MCC: variants seen among roughly 807,000 people sequenced by gnomAD.
The protein encoded by MCC is MCC regulator of Wnt signaling pathway.
A neutral mutation model predicts 116.2 loss-of-function variants in MCC; 90 were observed. The ratio of observed to expected loss-of-function variants is 0.77; its 90% confidence interval spans 0.65 to 0.92. The LOEUF (loss-of-function observed/expected upper bound fraction) is 0.92. MCC is among the 40% of genes least tolerant of loss of function. The pLI is 0.00. For synonymous variants in MCC, 578 were observed against 510.5 expected, an observed-to-expected ratio of 1.13 and a Z score of -1.78; for missense variants, 1,516 against 1,312.2, an observed-to-expected ratio of 1.16 and a Z score of -2.40.
intron 3 of MCC, among the ~76,000 whole-genome samples, chr5:113,170,387 G>A (rs147946396): frequency 5.1e-4 from 78 of 152,234 alleles, no homozygotes; most frequent in African/African-American, 1.7e-3. Flanking sequence ...TAGGCAAGAA[G>A]GGACATTTCC....
At chr5:113,195,110 G>C (rs1281550578) in intron 3 of MCC, among the ~76,000 whole-genome samples, 4 of 152,200 alleles carry the variant, frequency 2.6e-5, no homozygotes, top group Non-Finnish European at 5.9e-5. Context: ...AGCGTTTGTT[G>C]AAGGGAACAG....
chr5:113,152,865 A>C (rs1437628282), intron 3 of MCC, among the ~76,000 whole-genome samples: 1 of 152,186 alleles, frequency 6.6e-6, no homozygotes, highest in Non-Finnish European at 1.5e-5. Context: ...AATGTCAGGC[A>C]ATCTGGCAGT....
At chr5:113,182,347 T>A (rs1167211055) in intron 3 of MCC, among the ~76,000 whole-genome samples, 1 of 152,182 alleles carries the variant, frequency 6.6e-6, no homozygotes, top group Non-Finnish European at 1.5e-5. Context: ...GCACATACCC[T>A]TTTTCCTCAG....
chr5:113,319,251 C>T (rs1767360847), intron 3 of MCC, among the ~76,000 whole-genome samples: 1 of 152,156 alleles, frequency 6.6e-6, no homozygotes, highest in Non-Finnish European at 1.5e-5. Context: ...TTTAGTCTAG[C>T]TAAATACTGT....
At chr5:113,285,893 C>T (rs1370696024) in intron 3 of MCC, among the ~76,000 whole-genome samples, 5 of 152,138 alleles carry the variant, frequency 3.3e-5, no homozygotes, top group South Asian at 2.1e-4. Flanking sequence ...AATATGTGAA[C>T]GGTTACAAGA....
In MCC at chr5:113,432,711, C is replaced by T. The variant is rs895993146; in HGVS notation, c.171-47499G>A. 6 of 152,046 alleles carry T rather than the reference C, an allele frequency of 3.9e-5. 1 individual carries two copies. The East Asian group carries it at 7.7e-4, about 19-fold the overall frequency. The allele number at this position is 152,046 out of a possible 1,614,324, so 9.4% of individuals were successfully genotyped here. A position where few individuals can be genotyped will look rare whatever the true frequency, so the allele number is the denominator to read the frequency against. ...ACATTGTTTCCAGTATTAGCTGATTCGTTTGTCCATTAATTGGATATTAGC... is the reference window on the plus strand; with the variant it reads ...ACATTGTTTCCAGTATTAGCTGATTTGTTTGTCCATTAATTGGATATTAGC... On this transcript the variant is annotated intron_variant, in intron 1 of 18. Coordinates refer to ENST00000408903, the MANE Select transcript of MCC (RefSeq NM_001085377.2).
At chr5:113,128,267 C>T (rs1163217270) in intron 5 of MCC, among the ~76,000 whole-genome samples, 1 of 152,210 alleles carries the variant, frequency 6.6e-6, no homozygotes, top group Non-Finnish European at 1.5e-5. Flanking sequence ...GGTCATCTGC[C>T]TGCTTTGACA....
chr5:113,360,205 A>T (rs1209993422), intron 2 of MCC, among the ~76,000 whole-genome samples: 1 of 150,528 alleles, frequency 6.6e-6, no homozygotes, highest in East Asian at 1.9e-4. Flanking sequence ...AAAAAAAAAA[A>T]TGATTTCGAT....
chr5:113,179,408 A>G (rs1761499495), intron 3 of MCC, among the ~76,000 whole-genome samples: 1 of 152,204 alleles, frequency 6.6e-6, no homozygotes, highest in Non-Finnish European at 1.5e-5. Context: ...TAGTAACAGG[A>G]GAAGTACTTC....
chr5:113,406,913 C>T (rs957288600), intron 1 of MCC, among the ~76,000 whole-genome samples: 1 of 152,190 alleles, frequency 6.6e-6, no homozygotes, highest in African/African-American at 2.4e-5. Flanking sequence ...AAAGGTTCTA[C>T]ACCCCTTGAG....
At chr5:113,108,149 G>A (rs112798019) in intron 6 of MCC, among the ~76,000 whole-genome samples, 63 of 151,668 alleles carry the variant, frequency 4.2e-4, no homozygotes, top group African/African-American at 1.5e-3. Flanking sequence ...GTTCAAGACT[G>A]GCCTGGCCAA....
At chr5:113,078,888 ATGATTGTAT>A (rs1263659110) in intron 11 of MCC, among the ~76,000 whole-genome samples, 3 of 152,234 alleles carry the variant, frequency 2.0e-5, no homozygotes, top group African/African-American at 2.4e-5. Flanking sequence ...TGCAGATGAC[ATGATTGTAT>A]ATTTAGAAAT....
intron 3 of MCC, among the ~76,000 whole-genome samples, chr5:113,263,147 G>T (rs1331364531): frequency 6.6e-6 from 1 of 152,180 alleles, no homozygotes; most frequent in Non-Finnish European, 1.5e-5. Flanking sequence ...TAATAAGCAG[G>T]AGAGTGCTGT....
At chr5:113,226,772 T>A (rs1479176066) in intron 3 of MCC, among the ~76,000 whole-genome samples, 2 of 152,340 alleles carry the variant, frequency 1.3e-5, no homozygotes, top group African/African-American at 4.8e-5. Flanking sequence ...TGTTTAAAAT[T>A]CTAACTTTAC....
intron 17 of MCC, among the ~76,000 whole-genome samples, chr5:113,043,020 A>C (rs1454274997): frequency 6.6e-6 from 1 of 152,188 alleles, no homozygotes; most frequent in Non-Finnish European, 1.5e-5. Context: ...GGAGATACGG[A>C]AGACAGAGCT....
At position 113,070,145 on chromosome 5, in the gene MCC, T is replaced by C. The variant is rs931746983; in HGVS notation, c.1925+949A>G. On this transcript the variant is annotated intron_variant, in intron 12 of 18. Transcript: ENST00000408903. ...CTTTGCTGTCTGTAAACCAGAATGA[T>C]TGCTCTCTAGCTTTGGTCTCATTCA... 7.0e-4 allele frequency among the ~76,000 whole-genome samples: 106 copies of C among 152,372 alleles called. 1 individual carries two copies. Among genetic ancestry groups the C allele is most frequent in the African/African-American group, 2.4e-3 (101 of 41,594 alleles).
At chr5:113,469,846 C>G (rs1464642640) in intron 1 of MCC, among the ~76,000 whole-genome samples, 1 of 152,104 alleles carries the variant, frequency 6.6e-6, no homozygotes, top group African/African-American at 2.4e-5. Flanking sequence ...TAAGGACTTG[C>G]TTTATGAATC....
At chr5:113,234,699 T>C (rs1379578028) in intron 3 of MCC, 3 of 152,334 alleles carry the variant, frequency 2.0e-5, no homozygotes, top group African/African-American at 4.8e-5. Flanking sequence ...AAAACAGGAC[T>C]CTTCTTCCTG....
At chr5:113,203,270 G>GCAA (rs1440962962) in intron 3 of MCC, 1 of 152,474 alleles carries the variant, frequency 6.6e-6, no homozygotes, top group Non-Finnish European at 1.5e-5. Context: ...TTGCCCAAGA[G>GCAA]GTGTGGGGAT....
Sources: allele counts gnomAD v4.1 joint callset (sites outside exome capture counted in the v4.1 genomes callset), GRCh38; gene constraint gnomAD v4.1.1; transcripts MANE v1.5; gene names NCBI Gene and HGNC (gene_info 2026-07-23, HGNC 2026-07-21).